The following RBFOX1 variants were observed in gnomAD, a reference collection of about 807,000 sequenced individuals.
The protein encoded by RBFOX1 is RNA binding fox-1 homolog 1, also known as RNA binding protein fox-1 homolog 1.
A neutral mutation model predicts 57.7 loss-of-function variants in RBFOX1; 8 were observed. That is an observed-to-expected ratio of 0.14 (90% CI 0.08 to 0.25). RBFOX1 has a LOEUF of 0.25. Ranked by LOEUF, RBFOX1 falls within the 10% of genes least tolerant of loss-of-function variation. The pLI is 1.00. For synonymous variants in RBFOX1, 326 were observed against 222.4 expected, an observed-to-expected ratio of 1.47 and a Z score of -4.15; for missense variants, 611 against 548.5, an observed-to-expected ratio of 1.11 and a Z score of -1.14.
chr16:6,118,504 G>A (rs2096521941), intron 1 of RBFOX1, among the ~76,000 whole-genome samples: 1 of 152,064 alleles, frequency 6.6e-6, no homozygotes, highest in Non-Finnish European at 1.5e-5. Context: ...TAGCTGTCTT[G>A]GATGGCGGCA....
rs530024387 is a variant in RBFOX1 at position 6,851,193 on chromosome 16, C to G, written c.-16+196543C>G. On this transcript the variant is annotated intron_variant, in intron 3 of 15. Transcript: ENST00000550418. ...TTTTTATGTATCTAAAGGTTACATACAAAATGATACCGTGTATGTAGCATT... is the reference window on the plus strand; with the variant it reads ...TTTTTATGTATCTAAAGGTTACATAGAAAATGATACCGTGTATGTAGCATT... Among the ~76,000 whole-genome samples the G allele has an allele frequency of 1.4e-4, 21 of 152,234 alleles. 2 individuals carry two copies. In the South Asian group the frequency reaches 3.7e-3, roughly 27 times the overall value.
chr16:6,795,578 C>G (rs1022127490), intron 3 of RBFOX1, among the ~76,000 whole-genome samples: 1 of 151,890 alleles, frequency 6.6e-6, no homozygotes, highest in Non-Finnish European at 1.5e-5. Context: ...CCAGCCTGGC[C>G]AATGTGGTGA....
chr16:7,482,317 G>A (rs1164571584), intron 4 of RBFOX1, among the ~76,000 whole-genome samples: 2 of 152,110 alleles, frequency 1.3e-5, no homozygotes, highest in South Asian at 2.1e-4. Flanking sequence ...TTAGGGAGGC[G>A]TTACAGTCCC....
At chr16:6,464,538 T>C (rs1165064966) in intron 2 of RBFOX1, among the ~76,000 whole-genome samples, 1 of 152,220 alleles carries the variant, frequency 6.6e-6, no homozygotes, top group Non-Finnish European at 1.5e-5. Context: ...TGCTGTCTAG[T>C]TATGCATTTG....
At chr16:7,567,190 CATAT>C (rs1166295366) in intron 5 of RBFOX1, among the ~76,000 whole-genome samples, 5 of 95,760 alleles carry the variant, frequency 5.2e-5, no homozygotes, top group South Asian at 2.7e-4. Context: ...TATAAATATC[CATAT>C]ATATATCCCT....
intron 4 of RBFOX1, among the ~76,000 whole-genome samples, chr16:6,002,263 G>A (rs915754170): frequency 6.6e-6 from 1 of 152,108 alleles, no homozygotes; most frequent in African/African-American, 2.4e-5. Flanking sequence ...AGGCATGAGC[G>A]ACCGCTCGTG....
intron 3 of RBFOX1, among the ~76,000 whole-genome samples, chr16:6,969,991 A>C (rs1420053459): frequency 6.6e-6 from 1 of 152,066 alleles, no homozygotes; most frequent in Non-Finnish European, 1.5e-5. Context: ...AAGTCCTTAC[A>C]AGCCTGGGCA....
chr16:7,673,756 G>T (rs542225652), intron 13 of RBFOX1, among the ~76,000 whole-genome samples: 35 of 152,282 alleles, frequency 2.3e-4, no homozygotes, highest in African/African-American at 8.4e-4. Context: ...TTTATATTTT[G>T]CTGCCCATCC....
rs970197925 is a variant in RBFOX1, at chr16:7,546,660, C to G, written c.270+28271C>G. ...GTGGATTTCTCTTTAACTTAAAATA[C>G]CATACATACAATTCCGAGTCATTAT... On this transcript the variant is annotated intron_variant, in intron 5 of 15. Coordinates refer to ENST00000550418, the MANE Select transcript of RBFOX1 (RefSeq NM_018723.4). Among the ~76,000 whole-genome samples the G allele has an allele frequency of 4.6e-5, 7 of 152,046 alleles. No homozygotes were observed. In the East Asian group the frequency reaches 9.7e-4, roughly 21 times the overall value.
chr16:7,142,198 A>G (rs2073971043), intron 4 of RBFOX1, among the ~76,000 whole-genome samples: 1 of 151,934 alleles, frequency 6.6e-6, no homozygotes, highest in Non-Finnish European at 1.5e-5. Flanking sequence ...CAATTTCTGT[A>G]TGTTTTGTAA....
chr16:7,569,377 A>G (rs1274430692), intron 5 of RBFOX1, among the ~76,000 whole-genome samples: 1 of 152,068 alleles, frequency 6.6e-6, no homozygotes, highest in Non-Finnish European at 1.5e-5. Flanking sequence ...GGCCACTGTC[A>G]TTCTTGGGCT....
chr16:5,810,738 C>A (rs1309181735), intron 3 of RBFOX1, among the ~76,000 whole-genome samples: 2 of 152,214 alleles, frequency 1.3e-5, no homozygotes, highest in Non-Finnish European at 2.9e-5. Flanking sequence ...GACCTCATAG[C>A]TTCCTTGTTC....
At chr16:6,403,314 C>T (rs578058391) in intron 2 of RBFOX1, among the ~76,000 whole-genome samples, 38 of 152,288 alleles carry the variant, frequency 2.5e-4, no homozygotes, top group African/African-American at 3.8e-4. Flanking sequence ...GTGTTAAGAA[C>T]CCAAGCAATA....
chr16:7,204,769 C>T (rs1189327451), intron 4 of RBFOX1, among the ~76,000 whole-genome samples: 1 of 152,098 alleles, frequency 6.6e-6, no homozygotes, highest in African/African-American at 2.4e-5. Flanking sequence ...CTCCCCAATC[C>T]TTTCTCTTTT....
At chr16:7,159,013 C>T (rs1311217853) in intron 4 of RBFOX1, among the ~76,000 whole-genome samples, 2 of 151,794 alleles carry the variant, frequency 1.3e-5, no homozygotes, top group Non-Finnish European at 2.9e-5. Flanking sequence ...CCCCCCATTT[C>T]TCTCACCCCT....
chr16:7,337,796 T>G (rs1032791146), intron 4 of RBFOX1, among the ~76,000 whole-genome samples: 1 of 152,210 alleles, frequency 6.6e-6, no homozygotes, highest in Non-Finnish European at 1.5e-5. Context: ...GCGATTCTCC[T>G]GCCTCAGCCT....
chr16:7,321,866 C>A (rs1366686659), intron 4 of RBFOX1, among the ~76,000 whole-genome samples: 2 of 152,186 alleles, frequency 1.3e-5, no homozygotes, highest in African/African-American at 4.8e-5. Context: ...TCTCTGTTGC[C>A]ACCAGCTGCC....
intron 2 of RBFOX1, among the ~76,000 whole-genome samples, chr16:6,488,219 A>G (rs1468804293): frequency 6.6e-6 from 1 of 152,104 alleles, no homozygotes; most frequent in Non-Finnish European, 1.5e-5. Flanking sequence ...AGTACTGTGG[A>G]TGTATTTCTT....
At chr16:5,814,085 C>T (rs942385233) in intron 3 of RBFOX1, among the ~76,000 whole-genome samples, 1 of 152,158 alleles carries the variant, frequency 6.6e-6, no homozygotes, top group Non-Finnish European at 1.5e-5. Context: ...CCTTCCATCT[C>T]GAAGTTAACT....
Sources: gnomAD v4.1 joint callset for allele counts (sites outside exome capture counted in the v4.1 genomes callset) on GRCh38, gnomAD v4.1.1 for gene constraint, MANE v1.5 for transcripts, NCBI Gene and HGNC (gene_info 2026-07-23, HGNC 2026-07-21) for gene names.